SLC25A26: variants seen among roughly 807,000 people sequenced by gnomAD.
SLC25A26 encodes the protein solute carrier family 25 member 26.
Under a neutral mutation model 37.8 loss-of-function variants are expected in SLC25A26, and 36 were observed. That is an observed-to-expected ratio of 0.95 (90% CI 0.73 to 1.26). SLC25A26 has a LOEUF of 1.26. Among genes scored for constraint, SLC25A26 ranks in the 50% most tolerant of loss-of-function variants. The probability of loss-of-function intolerance (pLI) is 0.00; values close to 1 mark genes in which losing one functional copy is unlikely to be tolerated. For synonymous variants in SLC25A26, 129 were observed against 122.5 expected, an observed-to-expected ratio of 1.05 and a Z score of -0.35; for missense variants, 390 against 331.1, an observed-to-expected ratio of 1.18 and a Z score of -1.38.
At chr3:66,341,284 T>C (rs1291940019) in intron 5 of SLC25A26, among the ~76,000 whole-genome samples, 2 of 152,168 alleles carry the variant, frequency 1.3e-5, no homozygotes, top group African/African-American at 2.4e-5. Flanking sequence ...ATTTTTATCA[T>C]AAGTCAGTGT....
At chr3:66,204,047 A>G (rs1022688400) in intron 1 of SLC25A26, among the ~76,000 whole-genome samples, 10 of 152,206 alleles carry the variant, frequency 6.6e-5, no homozygotes, top group Non-Finnish European at 1.3e-4. Context: ...CCTAGGCATG[A>G]AGTTTTATTA....
rs116932222 is a variant in SLC25A26, at chr3:66,248,787, C to T, written c.300+5475C>T. On this transcript the variant is annotated intron_variant, in intron 3 of 9. Coordinates refer to ENST00000354883, the MANE Select transcript of SLC25A26 (RefSeq NM_001379210.1). ...TTTGTAAATGTTTTTCTGACAGCCT[C>T]TAACAGTACTTCCCCAAGAAGGCCC... Among the ~76,000 whole-genome samples, 473 of 152,298 alleles carry T rather than the reference C, an allele frequency of 3.1e-3. 3 individuals carry two copies. The highest frequency in any genetic ancestry group is 0.017 in the East Asian group (86 of 5,166).
At chr3:66,349,525 T>G (rs2076402354) in intron 6 of SLC25A26, among the ~76,000 whole-genome samples, 1 of 152,194 alleles carries the variant, frequency 6.6e-6, no homozygotes, top group African/African-American at 2.4e-5. Context: ...TTTCCTGTTG[T>G]TGCTTGTACC....
At chr3:66,317,715 A>G (rs557383738) in intron 5 of SLC25A26, among the ~76,000 whole-genome samples, 1 of 152,122 alleles carries the variant, frequency 6.6e-6, no homozygotes, top group African/African-American at 2.4e-5. Context: ...GGCATAAAAG[A>G]CTAAGATTGC....
intron 3 of SLC25A26, among the ~76,000 whole-genome samples, chr3:66,257,069 C>A (rs115586955): frequency 0.013 from 1,947 of 151,868 alleles, 53 homozygotes; most frequent in African/African-American, 0.044. Context: ...AGGGTGCTTA[C>A]AATTTAGTAG....
At chr3:66,230,381 A>G (rs144583826) in intron 1 of SLC25A26, among the ~76,000 whole-genome samples, 17,194 of 152,160 alleles carry the variant, frequency 0.11, 1,111 homozygotes, top group East Asian at 0.29. Context: ...TTTATGAGGA[A>G]TGTGGCATTG....
rs546312763 is a variant in SLC25A26 at position 66,348,526 on chromosome 3, A to G, written c.498+2118A>G. Among the ~76,000 whole-genome samples, 21 of 152,344 alleles carry G rather than the reference A, an allele frequency of 1.4e-4. No homozygotes were observed. The East Asian group carries it at 4.0e-3, about 29-fold the overall frequency. On this transcript the variant is annotated intron_variant, in intron 6 of 9. Coordinates refer to ENST00000354883, the MANE Select transcript of SLC25A26 (RefSeq NM_001379210.1). ...TAGGCATTAGCTAATACAAAAATAA[A>G]GGAGTTACTCTCATAATTTTATAGA...
At chr3:66,212,657 A>C (rs1002534881) in intron 1 of SLC25A26, among the ~76,000 whole-genome samples, 6 of 152,088 alleles carry the variant, frequency 3.9e-5, no homozygotes, top group Non-Finnish European at 7.4e-5. Context: ...CCCTCCCCTA[A>C]GCTCCTGGCA....
intron 1 of SLC25A26, among the ~76,000 whole-genome samples, chr3:66,174,831 T>C (rs1377283766): frequency 2.0e-5 from 3 of 149,548 alleles, no homozygotes; most frequent in East Asian, 1.9e-4. Flanking sequence ...AAATGCGCTA[T>C]GAAAAGTCAC....
At chr3:66,243,888 TA>T (rs1306607725) in intron 3 of SLC25A26, among the ~76,000 whole-genome samples, 1 of 152,218 alleles carries the variant, frequency 6.6e-6, no homozygotes, top group Non-Finnish European at 1.5e-5. Context: ...CTCCAAATTC[TA>T]GGTCAGATTT....
At chr3:66,238,627 A>G (rs1280363663) in intron 2 of SLC25A26, among the ~76,000 whole-genome samples, 1 of 152,144 alleles carries the variant, frequency 6.6e-6, no homozygotes, top group Admixed American at 6.5e-5. Context: ...GGCCTCCCAA[A>G]GTGCTGGGAT....
intron 5 of SLC25A26, among the ~76,000 whole-genome samples, chr3:66,288,550 C>G (rs1183273799): frequency 6.6e-6 from 1 of 152,094 alleles, no homozygotes; most frequent in Non-Finnish European, 1.5e-5. Context: ...TTGTTCAACT[C>G]CCACTTATGA....
Position 66,195,505 on chromosome 3 carries a change from G to A in SLC25A26, c.-353-25237G>A, listed in dbSNP as rs2071031027. ...GTAGGAAGAACGACACAGGAGGCAG[G>A]GTTGGAGGCTCAGCTAAAAACCAGA... On this transcript the variant is annotated intron_variant, in intron 1 of 10. Transcript: ENST00000676754. 2.0e-5 allele frequency among the ~76,000 whole-genome samples: 3 copies of A among 152,344 alleles called. No individual in the cohort carries two copies. In the South Asian group the frequency reaches 6.2e-4, roughly 32 times the overall value.
intron 1 of SLC25A26, among the ~76,000 whole-genome samples, chr3:66,143,795 T>G (rs982338421): frequency 1.3e-5 from 2 of 152,068 alleles, no homozygotes; most frequent in African/African-American, 4.8e-5. Context: ...ATAGGAGGGT[T>G]GCTTGAGCTT....
At chr3:66,328,708 T>G (rs1004434250) in intron 5 of SLC25A26, among the ~76,000 whole-genome samples, 4 of 152,178 alleles carry the variant, frequency 2.6e-5, no homozygotes, top group Non-Finnish European at 5.9e-5. Flanking sequence ...CTTGAACATT[T>G]CCTAGTTAGC....
At chr3:66,257,014 C>T (rs35791365) in intron 3 of SLC25A26, among the ~76,000 whole-genome samples, 17,763 of 152,164 alleles carry the variant, frequency 0.12, 1,413 homozygotes, top group African/African-American at 0.2. Flanking sequence ...TAAAATAATA[C>T]ACCAGCTGAT....
chr3:66,197,964 G>A (rs1179692758), intron 1 of SLC25A26, among the ~76,000 whole-genome samples: 2 of 152,232 alleles, frequency 1.3e-5, no homozygotes, highest in African/African-American at 4.8e-5. Context: ...CAGGGTCAGA[G>A]AGCATCAGGA....
intron 5 of SLC25A26, among the ~76,000 whole-genome samples, chr3:66,334,335 G>A (rs2076046437): frequency 6.6e-6 from 1 of 152,114 alleles, no homozygotes. Flanking sequence ...TTTGTTTTGA[G>A]ACAGAGTCTT....
At chr3:66,147,230 G>T (rs1367222967) in intron 1 of SLC25A26, among the ~76,000 whole-genome samples, 1 of 149,732 alleles carries the variant, frequency 6.7e-6, no homozygotes, top group Non-Finnish European at 1.5e-5. Flanking sequence ...GTGGCATGAT[G>T]TCAGCTCACT....
Sources: allele counts gnomAD v4.1 joint callset (sites outside exome capture counted in the v4.1 genomes callset), GRCh38; gene constraint gnomAD v4.1.1; transcripts MANE v1.5; gene names NCBI Gene and HGNC (gene_info 2026-07-23, HGNC 2026-07-21).